Variants in SRPX observed in about 807,000 individuals in gnomAD.
The protein encoded by SRPX is sushi repeat-containing protein SRPX.
Under a neutral mutation model 38.1 loss-of-function variants are expected in SRPX, and 24 were observed. The observed-to-expected ratio is 0.63, with a 90% CI of 0.46 to 0.89. The LOEUF (loss-of-function observed/expected upper bound fraction) is 0.89. Among genes scored for constraint, SRPX ranks in the 40% least tolerant of loss-of-function variants. SRPX has a pLI of 0.00. For missense variants in SRPX, 416 were observed against 377.8 expected, an observed-to-expected ratio of 1.10 and a Z score of -0.84; for synonymous variants, 184 against 153.8, an observed-to-expected ratio of 1.20 and a Z score of -1.45.
chrX:38,187,121 G>T (rs898972375), intron 1 of SRPX, among the ~76,000 whole-genome samples: 1 of 111,459 alleles, frequency 9.0e-6, no homozygotes, highest in African/African-American at 3.3e-5. Flanking sequence ...TAATTTGAGG[G>T]TTCATAATCA....
chrX:38,160,280 C>A, intron 6 of SRPX, 84 bp from the exon 7 acceptor site: 2 of 991,448 alleles, frequency 2.0e-6, no homozygotes, highest in South Asian at 4.5e-5. Flanking sequence ...GCAGAGGCAT[C>A]AGCTTTGCAA....
At chrX:38,212,028 C>A (rs544287396) in intron 1 of SRPX, among the ~76,000 whole-genome samples, 1 of 112,137 alleles carries the variant, frequency 8.9e-6, no homozygotes, top group East Asian at 2.8e-4. Context: ...AGGAGTCTTG[C>A]CGGAGTGGCA....
intron 2 of SRPX, among the ~76,000 whole-genome samples, chrX:38,178,026 G>T (rs1242372138): frequency 8.9e-6 from 1 of 112,197 alleles, no homozygotes; most frequent in Non-Finnish European, 1.9e-5. Context: ...CTTTGCAGAA[G>T]TGAGGACAGT....
At chrX:38,179,053 T>C (rs1411737194) in intron 1 of SRPX, among the ~76,000 whole-genome samples, 1 of 108,929 alleles carries the variant, frequency 9.2e-6, no homozygotes, top group African/African-American at 3.4e-5. Flanking sequence ...TTCAAGGGAT[T>C]CTCCTGCCTC....
intron 2 of SRPX, among the ~76,000 whole-genome samples, chrX:38,175,106 C>T (rs1938544202): frequency 8.9e-6 from 1 of 112,083 alleles, no homozygotes; most frequent in Non-Finnish European, 1.9e-5. Context: ...AACCTCCCTG[C>T]TGTGCTTTTG....
At chrX:38,208,720 C>T (rs1215445970) in intron 1 of SRPX, among the ~76,000 whole-genome samples, 1 of 110,382 alleles carries the variant, frequency 9.1e-6, no homozygotes, top group Admixed American at 9.7e-5. Flanking sequence ...CACTCTATCA[C>T]CCAGTCTGCA....
At chrX:38,204,221 A>C (rs1200829254) in intron 1 of SRPX, among the ~76,000 whole-genome samples, 3 of 112,178 alleles carry the variant, frequency 2.7e-5, no homozygotes, top group Non-Finnish European at 5.6e-5. Flanking sequence ...AAGGTTTTGC[A>C]GATATAAACA....
At position 38,154,522 on chromosome X, in the gene SRPX, G is replaced by A. The variant is rs1938093810; in HGVS notation, c.1151C>T (p.Pro384Leu). 2 of 1,207,354 alleles carry A rather than the reference G, an allele frequency of 1.7e-6. No individual in the cohort carries two copies. The highest frequency in any genetic ancestry group is 1.1e-6 in the Non-Finnish European group (1 of 893,423). ...ITVVELVGVFPTLIGRIGAKI... is the reference protein window; with the variant it reads ...ITVVELVGVFLTLIGRIGAKI... The stretch of plus-strand genomic sequence containing the variant: ...TGCTCCTATCCTGCCAATGAGAGTC[G>A]GGAACACACCCACCAGCTCCACCAC... The change falls in exon 9 of 10, where the codon CCG becomes CTG. Residue 384 changes from proline to leucine, a missense_variant. By Grantham distance (98) the Pro-to-Leu change is moderately conservative. Transcript: ENST00000378533.
chrX:38,199,427 A>T (rs746444949), intron 1 of SRPX, among the ~76,000 whole-genome samples: 6 of 108,850 alleles, frequency 5.5e-5, no homozygotes, highest in East Asian at 2.8e-4. Context: ...AATAATAATT[A>T]AAAAAAATAA....
chrX:38,149,873 G>A lies in SRPX; in HGVS notation c.1233C>T (p.Leu411=), dbSNP rs1296976586. ...LQLRLLLRIP[L]YSFSMVLVDK... Reference sequence around the variant, plus strand: ...CCACTAGCACCATACTGAAGGAGTAGAGTGGGATTCGCAGCAACAGCCTGT... The same window carrying A: ...CCACTAGCACCATACTGAAGGAGTAAAGTGGGATTCGCAGCAACAGCCTGT... The change falls in exon 10 of 10, where the codon CTC becomes CTT. Residue 411 remains leucine, a synonymous_variant. Transcript: ENST00000378533. The A allele has an allele frequency of 1.7e-6, 2 of 1,204,930 alleles. No homozygotes were observed. The highest frequency in any genetic ancestry group is 2.2e-6 in the Non-Finnish European group (2 of 893,410).
At chrX:38,177,279 A>AT (rs1938583125) in intron 2 of SRPX, among the ~76,000 whole-genome samples, 1 of 111,519 alleles carries the variant, frequency 9.0e-6, no homozygotes, top group Admixed American at 9.6e-5. Context: ...TATAGGTAGG[A>AT]ATGAGTATTT....
chrX:38,203,476 G>A (rs1239402400), intron 1 of SRPX, among the ~76,000 whole-genome samples: 1 of 112,859 alleles, frequency 8.9e-6, no homozygotes, highest in African/African-American at 3.2e-5. Context: ...AGATTGGAAA[G>A]GAAGAAATAA....
intron 3 of SRPX, 151 bp from the exon 4 acceptor site, chrX:38,172,208 C>G: frequency 1.7e-6 from 1 of 577,221 alleles, no homozygotes; most frequent in Non-Finnish European, 2.6e-6. Context: ...AATCCCAGCA[C>G]TTTGGGAGGT....
chrX:38,200,598 C>T (rs1939091022), intron 1 of SRPX, among the ~76,000 whole-genome samples: 1 of 111,648 alleles, frequency 9.0e-6, no homozygotes, highest in South Asian at 3.8e-4. Context: ...AATGCGGCAT[C>T]ATCTCATGAA....
At chrX:38,220,161 C>T (rs1329864774) in intron 1 of SRPX, among the ~76,000 whole-genome samples, 4 of 113,431 alleles carry the variant, frequency 3.5e-5, no homozygotes, top group African/African-American at 9.6e-5. Flanking sequence ...TCTCGGAATC[C>T]CCAGCAGGGG....
intron 8 of SRPX, 72 bp downstream of exon 8, chrX:38,156,824 C>T (rs1938140312): frequency 2.6e-6 from 3 of 1,134,864 alleles, no homozygotes; most frequent in South Asian, 4.2e-5. Context: ...CTGGCCTTTG[C>T]TTTTAGTGAA....
chrX:38,198,606 T>C (rs1939042190), intron 1 of SRPX, among the ~76,000 whole-genome samples: 1 of 112,018 alleles, frequency 8.9e-6, no homozygotes, highest in African/African-American at 3.3e-5. Context: ...GCTATGATTC[T>C]GGGCTGTAGC....
intron 2 of SRPX, 61 bp from the exon 3 acceptor site, chrX:38,174,412 C>G: frequency 1.1e-6 from 1 of 919,918 alleles, no homozygotes; most frequent in Non-Finnish European, 1.4e-6. Flanking sequence ...GAAAATGTGT[C>G]CCCTTACTCT....
intron 1 of SRPX, among the ~76,000 whole-genome samples, chrX:38,200,933 A>T (rs943570069): frequency 2.7e-5 from 3 of 111,936 alleles, no homozygotes; most frequent in African/African-American, 9.7e-5. Flanking sequence ...AGCTCATTTT[A>T]AAAAGGCTTT....
Sources: gnomAD v4.1 joint callset for allele counts (sites outside exome capture counted in the v4.1 genomes callset) on GRCh38, gnomAD v4.1.1 for gene constraint, MANE v1.5 for transcripts, NCBI Gene and HGNC (gene_info 2026-07-23, HGNC 2026-07-21) for gene names.